TMEM116: variants seen among roughly 807,000 people sequenced by gnomAD.
TMEM116 encodes transmembrane protein 116.
In TMEM116, 38 loss-of-function variants were observed where a neutral mutation model predicts 44.3. The observed-to-expected ratio is 0.86, with a 90% confidence interval of 0.66 to 1.12. TMEM116 has a LOEUF of 1.12. Among genes scored for constraint, TMEM116 ranks in the 50% most tolerant of loss-of-function variants. TMEM116 has a pLI of 0.00. For missense variants in TMEM116, 354 were observed against 401.7 expected, an observed-to-expected ratio of 0.88 and a Z score of 1.01; for synonymous variants, 132 against 144.8, an observed-to-expected ratio of 0.91 and a Z score of 0.64.
At chr12:111,955,720 C>T (rs560221108) in intron 4 of TMEM116, among the ~76,000 whole-genome samples, 6 of 152,088 alleles carry the variant, frequency 3.9e-5, no homozygotes, top group Admixed American at 6.5e-5. Context: ...AACAGCAGAC[C>T]GCATATAAGA....
intron 3 of TMEM116, among the ~76,000 whole-genome samples, chr12:111,998,120 C>A (rs368113050): frequency 6.6e-6 from 1 of 152,192 alleles, no homozygotes; most frequent in Admixed American, 6.5e-5. Context: ...AAAGAGATGA[C>A]TGGGAGTTTT....
At chr12:111,988,272 T>C (rs1257588747) in intron 4 of TMEM116, among the ~76,000 whole-genome samples, 1 of 152,210 alleles carries the variant, frequency 6.6e-6, no homozygotes, top group Non-Finnish European at 1.5e-5. Context: ...AAGGTGAATG[T>C]TTAATATCAC....
intron 4 of TMEM116, among the ~76,000 whole-genome samples, chr12:111,983,744 A>G (rs931709551): frequency 1.3e-5 from 2 of 152,194 alleles, no homozygotes; most frequent in African/African-American, 4.8e-5. Context: ...AATTCTATCA[A>G]ACACTTAGAG....
intron 4 of TMEM116, among the ~76,000 whole-genome samples, chr12:111,959,745 C>A (rs927089075): frequency 6.6e-6 from 1 of 152,084 alleles, no homozygotes; most frequent in Non-Finnish European, 1.5e-5. Context: ...CAACAAAGAT[C>A]AAAAGAGATA....
At chr12:112,012,004 T>G (rs1283155402) in intron 1 of TMEM116, 2 of 152,240 alleles carry the variant, frequency 1.3e-5, no homozygotes, top group Non-Finnish European at 2.9e-5. Flanking sequence ...GTGAGACCCT[T>G]TCGAATCCGC....
intron 4 of TMEM116, among the ~76,000 whole-genome samples, chr12:111,972,999 G>A (rs1224181440): frequency 1.3e-5 from 2 of 152,088 alleles, no homozygotes; most frequent in African/African-American, 4.8e-5. Context: ...TTAGCCAGGC[G>A]TGGTGGCACG....
At chr12:111,997,898 T>C (rs1384708704) in intron 3 of TMEM116, among the ~76,000 whole-genome samples, 1 of 152,250 alleles carries the variant, frequency 6.6e-6, no homozygotes, top group Non-Finnish European at 1.5e-5. Flanking sequence ...GTAAGCTTGC[T>C]AAAATTCCAG....
rs776206237 is a variant in TMEM116, at chr12:111,946,913, A to G, written c.211-3544T>C. On this transcript the variant is annotated intron_variant, in intron 4 of 10. Coordinates refer to ENST00000552374, the MANE Select transcript of TMEM116 (RefSeq NM_001193531.2). ...ACGTCTGCAATTCAAAAAAGCTGCAACCTCCAGCATAAATGGGTTAAAGTC... is the reference window on the plus strand; with the variant it reads ...ACGTCTGCAATTCAAAAAAGCTGCAGCCTCCAGCATAAATGGGTTAAAGTC... Among the ~76,000 whole-genome samples the G allele has an allele frequency of 7.4e-4, 112 of 152,210 alleles. 2 individuals carry two copies. The highest frequency in any genetic ancestry group is 3.7e-4 in the Non-Finnish European group (25 of 68,008).
intron 4 of TMEM116, among the ~76,000 whole-genome samples, chr12:111,984,598 A>T (rs1297695721): frequency 6.6e-6 from 1 of 152,092 alleles, no homozygotes; most frequent in Non-Finnish European, 1.5e-5. Flanking sequence ...GAACTAAAAC[A>T]GTATAACTAT....
At chr12:111,974,087 A>G (rs1202886066) in intron 4 of TMEM116, among the ~76,000 whole-genome samples, 1 of 152,124 alleles carries the variant, frequency 6.6e-6, no homozygotes, top group Non-Finnish European at 1.5e-5. Flanking sequence ...TCATCTAAAT[A>G]GGTACAGAAA....
intron 4 of TMEM116, among the ~76,000 whole-genome samples, chr12:111,987,136 T>A (rs1243164153): frequency 6.6e-6 from 1 of 152,112 alleles, no homozygotes; most frequent in African/African-American, 2.4e-5. Context: ...TATTTGCACA[T>A]TGTATGTCTG....
intron 4 of TMEM116, among the ~76,000 whole-genome samples, chr12:111,953,805 C>A (rs1434860087): frequency 1.3e-5 from 2 of 152,092 alleles, no homozygotes; most frequent in Non-Finnish European, 2.9e-5. Flanking sequence ...TAGAGAGTCT[C>A]TCTCTCTGTT....
In TMEM116 at chr12:111,931,824, G is replaced by C; in HGVS notation, c.811C>G (p.Leu271Val). Residue 271 changes from leucine to valine, a missense_variant, in exon 11 of 11, where the codon CTA becomes GTA. Physicochemically the swap from Leu to Val is conservative, Grantham distance 32 (BLOSUM62 1). Transcript: ENST00000552374. ...LHMALYVLQA[L>V]TATSQGLLNC... ...AGTAGACCCTGAGATGTTGCCGTTAGAGCCTGGAGGAGATGAAGGGGTGAT... is the reference window on the plus strand; with the variant it reads ...AGTAGACCCTGAGATGTTGCCGTTACAGCCTGGAGGAGATGAAGGGGTGAT... The C allele has an allele frequency of 2.7e-6, 4 of 1,505,450 alleles. No individual in the cohort carries two copies. Among genetic ancestry groups the C allele is most frequent in the Non-Finnish European group, 3.5e-6 (4 of 1,130,740 alleles). The allele number at this position is 1,505,450 out of a possible 1,614,324, so 93.3% of individuals were successfully genotyped here.
At chr12:111,931,910 A>T in intron 10 of TMEM116, 83 bp from the exon 11 acceptor site, 2 of 947,780 alleles carry the variant, frequency 2.1e-6, no homozygotes, top group Non-Finnish European at 3.1e-6. Flanking sequence ...CTTATTCATA[A>T]AGCATTGTTA....
intron 5 of TMEM116, among the ~76,000 whole-genome samples, chr12:111,941,177 AC>A (rs2072784112): frequency 1.3e-5 from 2 of 152,250 alleles, no homozygotes; most frequent in South Asian, 4.1e-4. Flanking sequence ...GAAGATCGAG[AC>A]CATCCTGGCC....
chr12:111,996,334 T>C (rs2076931001), intron 3 of TMEM116, among the ~76,000 whole-genome samples: 1 of 152,018 alleles, frequency 6.6e-6, no homozygotes, highest in Admixed American at 6.6e-5. Context: ...CCAAACTGTG[T>C]TTTAAAAAAA....
intron 4 of TMEM116, among the ~76,000 whole-genome samples, chr12:111,955,318 G>A (rs553849889): frequency 1.2e-4 from 18 of 152,188 alleles, no homozygotes; most frequent in African/African-American, 2.9e-4. Flanking sequence ...TCCACTGTTC[G>A]GCCAGGGTCT....
At chr12:111,939,888 G>C (rs1593285409) in intron 5 of TMEM116, among the ~76,000 whole-genome samples, 1 of 87,446 alleles carries the variant, frequency 1.1e-5, no homozygotes. Context: ...CTCTGTGTGT[G>C]TGTGTGTGTG....
chr12:111,972,524 A>C (rs2075404834), intron 4 of TMEM116, among the ~76,000 whole-genome samples: 1 of 152,246 alleles, frequency 6.6e-6, no homozygotes, highest in Admixed American at 6.5e-5. Flanking sequence ...CAACAGCAGA[A>C]TGTAATTTTT....
Sources: allele counts gnomAD v4.1 joint callset (sites outside exome capture counted in the v4.1 genomes callset), GRCh38; gene constraint gnomAD v4.1.1; transcripts MANE v1.5; gene names NCBI Gene and HGNC (gene_info 2026-07-23, HGNC 2026-07-21).